AFF3: variants seen among roughly 807,000 people sequenced by gnomAD.
AFF3 encodes the protein AF4/FMR2 family member 3.
AFF3 carries 32 observed loss-of-function variants against 129.7 expected under a neutral mutation model. That is an observed-to-expected ratio of 0.25 (90% CI 0.19 to 0.33). AFF3 has a LOEUF of 0.33. AFF3 is among the 10% of genes least tolerant of loss of function. AFF3 has a pLI of 1.00. For synonymous variants in AFF3, 644 were observed against 635.4 expected, an observed-to-expected ratio of 1.01 and a Z score of -0.20; for missense variants, 1,373 against 1,592.0, an observed-to-expected ratio of 0.86 and a Z score of 2.34.
At chr2:99,910,350 C>A (rs1054765632) in intron 7 of AFF3, among the ~76,000 whole-genome samples, 1 of 152,088 alleles carries the variant, frequency 6.6e-6, no homozygotes, top group African/African-American at 2.4e-5. Context: ...CAAAACTAGA[C>A]TTGATTAATA....
At chr2:99,555,528 G>C (rs922864315) in intron 22 of AFF3, among the ~76,000 whole-genome samples, 3 of 152,208 alleles carry the variant, frequency 2.0e-5, no homozygotes, top group Non-Finnish European at 4.4e-5. Flanking sequence ...AAGTTCTGTT[G>C]CACAAGCCAG....
chr2:99,977,911 T>C (rs1177856010), intron 7 of AFF3, among the ~76,000 whole-genome samples: 1 of 152,188 alleles, frequency 6.6e-6, no homozygotes. Context: ...CTGGAGCTCC[T>C]CCAGAAAGAA....
intron 7 of AFF3, among the ~76,000 whole-genome samples, chr2:99,977,200 G>T (rs1678981436): frequency 1.3e-5 from 2 of 152,204 alleles, no homozygotes; most frequent in South Asian, 4.1e-4. Flanking sequence ...CTTCAGGCGT[G>T]TGAATCTATG....
At position 99,778,909 on chromosome 2, in the gene AFF3, T is replaced by C. The variant is rs977884949; in HGVS notation, c.922-26608A>G. On this transcript the variant is annotated intron_variant, in intron 8 of 24. Coordinates refer to ENST00000672756, the MANE Select transcript of AFF3 (RefSeq NM_001386135.1). ...GTGTGTGTGTGCGCGTGTGTGTGTGTGTGTGTGTGTGTGTGTGTGTGTGGC... is the reference window on the plus strand; with the variant it reads ...GTGTGTGTGTGCGCGTGTGTGTGTGCGTGTGTGTGTGTGTGTGTGTGTGGC... Among the ~76,000 whole-genome samples the C allele has an allele frequency of 3.6e-4, 51 of 140,578 alleles. 1 individual carries two copies. The highest frequency in any genetic ancestry group is 1.2e-3 in the East Asian group (5 of 4,280). 92.2% of individuals were successfully genotyped at this position (140,578 alleles called of 152,430 possible). A position where few individuals can be genotyped will look rare whatever the true frequency, so the allele number is the denominator to read the frequency against.
chr2:100,103,103 A>T (rs1218154665), intron 4 of AFF3, among the ~76,000 whole-genome samples: 9 of 152,224 alleles, frequency 5.9e-5, no homozygotes, highest in African/African-American at 2.4e-5. Flanking sequence ...AAACCGTTTG[A>T]TAATGTGCTA....
At chr2:99,790,791 G>A (rs1575993880) in intron 8 of AFF3, among the ~76,000 whole-genome samples, 1 of 152,128 alleles carries the variant, frequency 6.6e-6, no homozygotes, top group Non-Finnish European at 1.5e-5. Context: ...ATAAATGTAC[G>A]GTGATTGTAC....
Position 99,730,181 on chromosome 2 carries a change from G to T in AFF3, c.1040-3053C>A, listed in dbSNP as rs192197500. ...CTAATACAGAATTCCATGCTGCAGTGGGAAAAGATGCTTAAGGTACCCTCG... is the reference window on the plus strand; with the variant it reads ...CTAATACAGAATTCCATGCTGCAGTTGGAAAAGATGCTTAAGGTACCCTCG... On this transcript the variant is annotated intron_variant, in intron 10 of 24. Transcript: ENST00000672756. 2.0e-3 allele frequency among the ~76,000 whole-genome samples: 297 copies of T among 152,152 alleles called. 1 individual carries two copies. The highest frequency in any genetic ancestry group is 3.7e-3 in the Non-Finnish European group (253 of 68,004).
At chr2:99,727,330 T>C (rs1197221202) in intron 10 of AFF3, among the ~76,000 whole-genome samples, 1 of 152,226 alleles carries the variant, frequency 6.6e-6, no homozygotes, top group Admixed American at 6.5e-5. Context: ...GGCACAAATC[T>C]GTGAGTAGGT....
At chr2:100,064,841 T>C (rs1358310437) in intron 4 of AFF3, among the ~76,000 whole-genome samples, 1 of 152,266 alleles carries the variant, frequency 6.6e-6, no homozygotes, top group Non-Finnish European at 1.5e-5. Flanking sequence ...CTCTTTTTTA[T>C]AAATTCTATA....
rs112750392 is a variant in AFF3 at position 99,724,589 on chromosome 2, A to T, written c.1091+2488T>A. ...CACCTGGCCTGGAGTGACCTTTCTG[A>T]TCCTCAGATTCCTTATCCATAATAT... On this transcript the variant is annotated intron_variant, in intron 11 of 24. Transcript: ENST00000672756. Among the ~76,000 whole-genome samples the T allele has an allele frequency of 4.6e-3, 703 of 151,930 alleles. 5 individuals carry two copies. The highest frequency in any genetic ancestry group is 0.016 in the African/African-American group (674 of 41,402).
chr2:99,846,836 G>C (rs1240482719), intron 7 of AFF3, among the ~76,000 whole-genome samples: 2 of 152,160 alleles, frequency 1.3e-5, no homozygotes, highest in Admixed American at 1.3e-4. Context: ...GTTCTTTATG[G>C]ATCTTTCTCT....
rs3072357 is a variant in AFF3 at position 99,805,813 on chromosome 2, T to TACACACACACACACACACACAC, written c.921+31642_921+31663dup. Among the ~76,000 whole-genome samples, 4 of 142,834 alleles carry TACACACACACACACACACACAC rather than the reference T, an allele frequency of 2.8e-5. No individual in the cohort carries two copies. In the South Asian group the frequency reaches 7.2e-4, roughly 26 times the overall value. 93.7% of individuals were successfully genotyped at this position (142,834 alleles called of 152,430 possible). The stretch of plus-strand genomic sequence containing the variant: ...AGGAAACATCTGCCTGCAGGAGTCT[T>TACACACACACACACACACACAC]ACACACACACACACACACACACACA... On this transcript the variant is annotated intron_variant, in intron 8 of 24. Transcript: ENST00000672756.
chr2:99,573,972 A>C (rs540644306), intron 18 of AFF3, among the ~76,000 whole-genome samples: 8 of 152,222 alleles, frequency 5.3e-5, no homozygotes, highest in Admixed American at 3.3e-4. Flanking sequence ...CAAGCATCTC[A>C]CCACCACTTA....
In AFF3 at chr2:99,911,578, T is replaced by G. The variant is rs112318392; in HGVS notation, c.874-74054A>C. On this transcript the variant is annotated intron_variant, in intron 7 of 24. Transcript: ENST00000672756. ...CATACTGAACTTTACTGATCAACACTTGAACTGCACAGAAATGCAGCTTGT... is the reference window on the plus strand; with the variant it reads ...CATACTGAACTTTACTGATCAACACGTGAACTGCACAGAAATGCAGCTTGT... Among the ~76,000 whole-genome samples the G allele has an allele frequency of 2.6e-3, 402 of 152,206 alleles. 2 individuals carry two copies. The highest frequency in any genetic ancestry group is 0.014 in the Middle Eastern group (4 of 294).
intron 4 of AFF3, among the ~76,000 whole-genome samples, chr2:100,044,577 T>C (rs1685685754): frequency 6.6e-6 from 1 of 152,018 alleles, no homozygotes; most frequent in Admixed American, 6.5e-5. Context: ...CCCTGGGCAA[T>C]ATATAGAAAG....
intron 7 of AFF3, among the ~76,000 whole-genome samples, chr2:99,959,696 CAT>C (rs58551565): frequency 0.028 from 3,886 of 137,844 alleles, 54 homozygotes; most frequent in Non-Finnish European, 0.036. Flanking sequence ...TAGTGTATAG[CAT>C]ATATATATAT....
At chr2:99,731,211 G>A (rs1679803014) in intron 10 of AFF3, among the ~76,000 whole-genome samples, 1 of 152,136 alleles carries the variant, frequency 6.6e-6, no homozygotes, top group Non-Finnish European at 1.5e-5. Flanking sequence ...GCCCTCCTTG[G>A]CTTCCCAAAG....
At chr2:99,919,672 TAC>T (rs1488811405) in intron 7 of AFF3, among the ~76,000 whole-genome samples, 3 of 151,914 alleles carry the variant, frequency 2.0e-5, no homozygotes, top group African/African-American at 7.3e-5. Flanking sequence ...TTAAAAGCAA[TAC>T]AGTTCCCCAA....
intron 1 of AFF3, among the ~76,000 whole-genome samples, chr2:100,132,989 G>A (rs914503931): frequency 4.0e-5 from 6 of 151,412 alleles, no homozygotes; most frequent in Non-Finnish European, 7.4e-5. Flanking sequence ...GAGTGCAGAG[G>A]TGTGATCAGC....
Sources: allele counts gnomAD v4.1 joint callset (sites outside exome capture counted in the v4.1 genomes callset), GRCh38; gene constraint gnomAD v4.1.1; transcripts MANE v1.5; gene names NCBI Gene and HGNC (gene_info 2026-07-23, HGNC 2026-07-21).